The following DGKG variants were observed in gnomAD, a reference collection of about 807,000 sequenced individuals.
DGKG encodes the protein diacylglycerol kinase gamma, also known as DAG kinase gamma.
Under a neutral mutation model 105.3 loss-of-function variants are expected in DGKG, and 78 were observed. The ratio of observed to expected loss-of-function variants is 0.74; its 90% confidence interval spans 0.62 to 0.89. DGKG has a LOEUF of 0.89. Among genes scored for constraint, DGKG ranks in the 40% least tolerant of loss-of-function variants. The pLI, the probability that DGKG is intolerant of heterozygous loss-of-function variation, is 0.00. For synonymous variants in DGKG, 346 were observed against 367.1 expected (o/e 0.94, Z 0.66); for missense variants, 958 against 1,020.1 (o/e 0.94, Z 0.83).
chr3:186,294,071 G>A (rs1039571809), intron 5 of DGKG, among the ~76,000 whole-genome samples: 5 of 152,178 alleles, frequency 3.3e-5, no homozygotes, highest in Non-Finnish European at 7.4e-5. Flanking sequence ...AATGGTACAT[G>A]ACAAAATCAC....
intron 1 of DGKG, among the ~76,000 whole-genome samples, chr3:186,339,804 A>T (rs766658941): frequency 6.6e-6 from 1 of 152,200 alleles, no homozygotes; most frequent in African/African-American, 2.4e-5. Flanking sequence ...ATCTGCCAGG[A>T]AACAGAAAAG....
intron 1 of DGKG, among the ~76,000 whole-genome samples, chr3:186,335,553 G>C (rs886227620): frequency 6.6e-5 from 10 of 152,088 alleles, no homozygotes; most frequent in African/African-American, 1.9e-4. Context: ...CCATTGGATG[G>C]AAACAACAGT....
At chr3:186,264,257 C>CTTTTCTTTTTCT (rs143674759) in intron 14 of DGKG, among the ~76,000 whole-genome samples, 37,812 of 150,362 alleles carry the variant, frequency 0.25, 4,759 homozygotes, top group South Asian at 0.28. Flanking sequence ...TTATGTTTCA[C>CTTTTCTTTTTCT]TTTTCTTTTT....
At chr3:186,262,952 C>T (rs1035488176) in intron 14 of DGKG, among the ~76,000 whole-genome samples, 1 of 152,082 alleles carries the variant, frequency 6.6e-6, no homozygotes, top group African/African-American at 2.4e-5. Flanking sequence ...CATGATGAAA[C>T]CCCGTCTCTA....
At chr3:186,292,502 T>C (rs1391613034) in intron 5 of DGKG, among the ~76,000 whole-genome samples, 1 of 152,150 alleles carries the variant, frequency 6.6e-6, no homozygotes, top group Non-Finnish European at 1.5e-5. Context: ...AGAACAAAAC[T>C]GGGTCCCAAG....
At chr3:186,307,060 GT>G in intron 2 of DGKG, 83 bp from the exon 3 acceptor site, 1 of 938,678 alleles carries the variant, frequency 1.1e-6, no homozygotes, top group Non-Finnish European at 1.7e-6. Flanking sequence ...GTGTAACCAT[GT>G]TTATGTTGGA....
chr3:186,150,178 G>A lies in DGKG; in HGVS notation c.2288C>T (p.Thr763Ile), dbSNP rs147120307. Residue 763 changes from threonine (T) to isoleucine (I), a missense_variant, in exon 25 of 25, where the codon ACT becomes ATT. Around this residue, in one of 2 missense-constraint regions of DGKG, gnomAD observed 315 missense variants for 400.6 expected, o/e 0.79. Coordinates refer to ENST00000265022, the MANE Select transcript of DGKG (RefSeq NM_001346.3). ...WMQPCCTIKITHKNQAPMMMG... is the reference protein window; with the variant it reads ...WMQPCCTIKIIHKNQAPMMMG... ...CATCATGGGCGCTTGGTTCTTGTGA[G>A]TAATTTTAATCTAAAAGCAAAGAGG... 1 of 1,612,014 alleles carries A rather than the reference G, an allele frequency of 6.2e-7. No homozygotes were observed. Among genetic ancestry groups the A allele is most frequent in the East Asian group, 2.2e-5 (1 of 44,844 alleles).
chr3:186,269,467 G>A (rs572690998), intron 11 of DGKG, among the ~76,000 whole-genome samples: 1 of 152,278 alleles, frequency 6.6e-6, no homozygotes, highest in Admixed American at 6.5e-5. Flanking sequence ...ATTTTGAAGG[G>A]CCTCCCTGGT....
At chr3:186,201,609 A>G (rs1341734064) in intron 21 of DGKG, among the ~76,000 whole-genome samples, 1 of 152,178 alleles carries the variant, frequency 6.6e-6, no homozygotes, top group African/African-American at 2.4e-5. Context: ...CTGCGCAGTT[A>G]GGAGAAGGCA....
rs145576161 is a variant in DGKG, at chr3:186,305,772, C to G, written c.144+1129G>C. 1.4e-4 allele frequency among the ~76,000 whole-genome samples: 21 copies of G among 152,132 alleles called. No homozygotes were observed. The East Asian group carries it at 4.1e-3, about 29-fold the overall frequency. The stretch of plus-strand genomic sequence containing the variant: ...TGAAGGTAGATCTAACAGAATTTGC[C>G]AATGAATTGGATGTGGGATGTGAGA... On this transcript the variant is annotated intron_variant, in intron 3 of 24. Transcript: ENST00000265022.
At chr3:186,198,863 G>A (rs934654337) in intron 21 of DGKG, among the ~76,000 whole-genome samples, 3 of 152,170 alleles carry the variant, frequency 2.0e-5, no homozygotes, top group Non-Finnish European at 2.9e-5. Context: ...TAGAGAGAAT[G>A]TTTCTAGTGT....
chr3:186,268,827 G>A lies in DGKG; in HGVS notation c.1090C>T (p.Arg364Trp), dbSNP rs775498146. The A allele has an allele frequency of 3.9e-5, 63 of 1,613,610 alleles. No homozygotes were observed. Among genetic ancestry groups the A allele is most frequent in the Non-Finnish European group, 4.7e-5 (55 of 1,179,726 alleles). The change falls in exon 12 of 25, where the codon CGG becomes TGG. Residue 364 changes from arginine (R) to tryptophan (W), a missense_variant. Arg to Trp is a moderately radical substitution (Grantham distance 101, BLOSUM62 -3). Around this residue, in one of 2 missense-constraint regions of DGKG, gnomAD observed 643 missense variants for 619.5 expected, o/e 1.04. Transcript: ENST00000265022. ...SIKCYQSVTA[R>W]HCVWCRMTFH... ...GTCATCCGGCACCACACGCAGTGCC[G>A]CGCGGTGACACTCTGGTAGCACTTG...
chr3:186,326,502 C>T (rs1725352999), intron 1 of DGKG, among the ~76,000 whole-genome samples: 1 of 152,044 alleles, frequency 6.6e-6, no homozygotes, highest in Non-Finnish European at 1.5e-5. Flanking sequence ...CATACTTACA[C>T]CTCCAACTCC....
intron 22 of DGKG, among the ~76,000 whole-genome samples, chr3:186,178,080 G>T (rs192108972): frequency 5.3e-5 from 8 of 152,124 alleles, no homozygotes; most frequent in Admixed American, 1.3e-4. Context: ...GCATCCATCC[G>T]CAAACCAGGA....
Position 186,288,690 on chromosome 3 carries a change from T to A in DGKG, c.544+20A>T. On this transcript the variant is annotated intron_variant, in intron 6 of 24. Coordinates refer to ENST00000265022, the MANE Select transcript of DGKG (RefSeq NM_001346.3). ...TTCTCTAGGAAAAAGCTGAAGCCCC[T>A]TGACAGGGTGAGCACTTACACTCCA... is the stretch of plus-strand genomic sequence containing the variant. 1 of 1,613,346 alleles carries A rather than the reference T, an allele frequency of 6.2e-7. No individual in the cohort carries two copies. Among genetic ancestry groups the A allele is most frequent in the South Asian group, 1.1e-5 (1 of 90,974 alleles).
intron 3 of DGKG, among the ~76,000 whole-genome samples, chr3:186,303,172 G>A (rs1173496080): frequency 2.0e-5 from 3 of 152,292 alleles, no homozygotes; most frequent in African/African-American, 7.2e-5. Context: ...CACTCTCAAG[G>A]TGATATCTGG....
intron 21 of DGKG, among the ~76,000 whole-genome samples, chr3:186,188,755 A>G (rs1452799239): frequency 6.6e-6 from 1 of 152,162 alleles, no homozygotes; most frequent in Non-Finnish European, 1.5e-5. Flanking sequence ...GTGGAACTGA[A>G]TTCAGAACCT....
rs1226231894 is a variant in DGKG, at chr3:186,210,048, G to GAGGCC, written c.1917+1742_1917+1746dup. On this transcript the variant is annotated intron_variant, in intron 21 of 24. Transcript: ENST00000265022. The surrounding 1 kb of genome is among the most constrained non-coding windows in gnomAD (Gnocchi z 5.2). ...AGAGGCCACCAGTGTCTTTAGCAAC[G>GAGGCC]AGGCCCCCTCTGCGGTTGAGGAAGA... Among the ~76,000 whole-genome samples, 1 of 152,166 alleles carries GAGGCC rather than the reference G, an allele frequency of 6.6e-6. No homozygotes were observed. The highest frequency in any genetic ancestry group is 1.5e-5 in the Non-Finnish European group (1 of 68,042).
At position 186,298,241 on chromosome 3, in the gene DGKG, CA is replaced by C; in HGVS notation, c.145-13del. The C allele has an allele frequency of 6.4e-7, 1 of 1,571,702 alleles. No homozygotes were observed. The highest frequency in any genetic ancestry group is 8.6e-7 in the Non-Finnish European group (1 of 1,158,584). Reference sequence around the variant, plus strand: ...TCATAGCTAATCGGCTGAGAAGGGGCAAAAGGGCAAAGTCAGTGGAGAGAAG... The same window carrying C: ...TCATAGCTAATCGGCTGAGAAGGGGCAAAGGGCAAAGTCAGTGGAGAGAAG... On this transcript the variant is annotated splice_polypyrimidine_tract_variant and intron_variant, in intron 3 of 24. Transcript: ENST00000265022.
Sources: allele counts gnomAD v4.1 joint callset (sites outside exome capture counted in the v4.1 genomes callset), GRCh38; gene constraint gnomAD v4.1.1; regional missense constraint gnomAD v4.1.1; non-coding constraint Gnocchi (gnomAD v3.1); transcripts MANE v1.5; gene names NCBI Gene and HGNC (gene_info 2026-07-23, HGNC 2026-07-21).